The following ARHGAP10 variants were observed in gnomAD, a reference collection of about 807,000 sequenced individuals.
ARHGAP10 encodes Rho GTPase activating protein 10, also known as rho GTPase-activating protein 10.
Under a neutral mutation model 108.6 loss-of-function variants are expected in ARHGAP10, and 87 were observed. That is an observed-to-expected ratio of 0.80 (90% CI 0.67 to 0.96). The LOEUF is 0.96. ARHGAP10 is among the 40% of genes least tolerant of loss of function. The pLI is 0.00. For synonymous variants in ARHGAP10, 347 were observed against 341.1 expected (o/e 1.02, Z -0.19); for missense variants, 939 against 954.5 (o/e 0.98, Z 0.21).
In ARHGAP10 at chr4:148,072,774, C is replaced by T. The variant is rs1280900695; in HGVS notation, c.*693C>T. ...TGTAAATGAAATAAACTGTAATTTA[C>T]TATTTGATTTGTCTGTCCTAATGTG... is the stretch of plus-strand genomic sequence containing the variant. On this transcript the variant is annotated 3_prime_UTR_variant, in exon 23 of 23. Coordinates refer to ENST00000336498, the MANE Select transcript of ARHGAP10 (RefSeq NM_024605.4). 6.6e-6 allele frequency: 1 copy of T among 152,206 alleles called. No homozygotes were observed. Among genetic ancestry groups the T allele is most frequent in the Non-Finnish European group, 1.5e-5 (1 of 68,038 alleles). 9.4% of individuals were successfully genotyped at this position (152,206 alleles called of 1,614,324 possible).
At chr4:147,864,491 G>T (rs989134817) in intron 5 of ARHGAP10, 40 of 188,554 alleles carry the variant, frequency 2.1e-4, no homozygotes, top group Non-Finnish European at 3.8e-4. Context: ...CATCAGTTGT[G>T]GTTGGGGTGA....
At chr4:147,769,637 G>A (rs1011374449) in intron 1 of ARHGAP10, among the ~76,000 whole-genome samples, 1 of 152,168 alleles carries the variant, frequency 6.6e-6, no homozygotes, top group Non-Finnish European at 1.5e-5. Context: ...CATCAGAGAT[G>A]ACATTCTACT....
chr4:147,887,995 G>C (rs549593692), intron 10 of ARHGAP10, among the ~76,000 whole-genome samples: 1 of 152,054 alleles, frequency 6.6e-6, no homozygotes, highest in East Asian at 1.9e-4. Context: ...TGTGCCTGGT[G>C]GTCGATTCCC....
Position 147,732,338 on chromosome 4 carries a change from C to G in ARHGAP10, c.37C>G (p.Leu13Val). Residue 13 changes from leucine to valine, a missense_variant, in exon 1 of 23, where the codon CTC becomes GTC. Transcript: ENST00000336498. ...GCCCCTGGAGTTCAGCGACTGCTAC[C>G]TCGACAGCCCGTGGTTCCGGGAGAG... ...LQPLEFSDCY[L>V]DSPWFRERIR... is the part of the protein sequence containing the mutation. 1 of 1,613,284 alleles carries G rather than the reference C, an allele frequency of 6.2e-7. No homozygotes were observed. The highest frequency in any genetic ancestry group is 8.5e-7 in the Non-Finnish European group (1 of 1,179,584).
chr4:147,858,595 A>C (rs1271791137), intron 5 of ARHGAP10: 2 of 152,202 alleles, frequency 1.3e-5, no homozygotes, highest in African/African-American at 4.8e-5. Context: ...CAGTTCATAA[A>C]AGAGAAAAGA....
At chr4:148,009,015 A>G (rs1402657600) in intron 18 of ARHGAP10, among the ~76,000 whole-genome samples, 2 of 152,200 alleles carry the variant, frequency 1.3e-5, no homozygotes, top group African/African-American at 4.8e-5. Context: ...AATAATACAT[A>G]TATTTAAAAG....
At chr4:147,906,905 A>G (rs1736520896) in intron 11 of ARHGAP10, among the ~76,000 whole-genome samples, 186 bp downstream of exon 11, 1 of 152,180 alleles carries the variant, frequency 6.6e-6, no homozygotes, top group African/African-American at 2.4e-5. Context: ...ATATAAGACT[A>G]GTGTATCATT....
intron 18 of ARHGAP10, among the ~76,000 whole-genome samples, chr4:147,999,602 G>A (rs965807370): frequency 6.6e-6 from 1 of 152,220 alleles, no homozygotes; most frequent in Non-Finnish European, 1.5e-5. Flanking sequence ...CATGTTCGTC[G>A]TAATGGAGCT....
At chr4:147,815,075 G>A (rs1230611273) in intron 1 of ARHGAP10, among the ~76,000 whole-genome samples, 1 of 152,130 alleles carries the variant, frequency 6.6e-6, no homozygotes, top group African/African-American at 2.4e-5. Flanking sequence ...AGTCTCACTA[G>A]GTGTTGGCAT....
intron 19 of ARHGAP10, among the ~76,000 whole-genome samples, chr4:148,040,716 A>G (rs1728595717): frequency 6.6e-6 from 1 of 152,084 alleles, no homozygotes; most frequent in Admixed American, 6.6e-5. Context: ...ACCTTTGGCT[A>G]ATGGTCCCTC....
chr4:148,041,537 G>A (rs1728632984), intron 19 of ARHGAP10, among the ~76,000 whole-genome samples: 5 of 152,190 alleles, frequency 3.3e-5, no homozygotes, highest in Admixed American at 3.3e-4. Flanking sequence ...TACCTGAAGT[G>A]TAAAAGCTTA....
intron 18 of ARHGAP10, among the ~76,000 whole-genome samples, chr4:148,015,968 A>C (rs942533790): frequency 6.6e-6 from 1 of 152,176 alleles, no homozygotes; most frequent in Non-Finnish European, 1.5e-5. Flanking sequence ...ACACACTGTG[A>C]ATGGGGCTTG....
chr4:147,768,756 T>G (rs63684062), intron 1 of ARHGAP10, among the ~76,000 whole-genome samples: 5 of 113,620 alleles, frequency 4.4e-5, no homozygotes, highest in Admixed American at 3.7e-4. Flanking sequence ...TTTTTTTTTT[T>G]GGCAGGGAAT....
intron 20 of ARHGAP10, among the ~76,000 whole-genome samples, chr4:148,056,718 G>C (rs894015223): frequency 1.3e-5 from 2 of 152,126 alleles, no homozygotes; most frequent in Non-Finnish European, 2.9e-5. Flanking sequence ...TCAAATCCAG[G>C]ATGCCATGTT....
intron 1 of ARHGAP10, among the ~76,000 whole-genome samples, chr4:147,810,533 A>T (rs1277921588): frequency 2.6e-5 from 4 of 152,234 alleles, no homozygotes; most frequent in African/African-American, 9.6e-5. Flanking sequence ...GAACGTTTAC[A>T]TCTCATCTTT....
intron 18 of ARHGAP10, among the ~76,000 whole-genome samples, chr4:147,969,324 C>CTTTTTTTTT (rs61078731): frequency 4.3e-5 from 4 of 93,872 alleles, no homozygotes; most frequent in Non-Finnish European, 8.5e-5. Context: ...TTTGTTTTGC[C>CTTTTTTTTT]TTTTTTTTTT....
chr4:147,804,314 T>C (rs1442063363), intron 1 of ARHGAP10, among the ~76,000 whole-genome samples: 1 of 152,222 alleles, frequency 6.6e-6, no homozygotes, highest in East Asian at 1.9e-4. Flanking sequence ...TCCATGTTGC[T>C]GCAAAGGACA....
intron 20 of ARHGAP10, among the ~76,000 whole-genome samples, chr4:148,052,762 A>G (rs1729201559): frequency 6.6e-6 from 1 of 152,124 alleles, no homozygotes; most frequent in South Asian, 2.1e-4. Flanking sequence ...CAGCAGGGTC[A>G]CTTAGATAGT....
At chr4:148,044,563 G>C (rs1341622581) in intron 19 of ARHGAP10, among the ~76,000 whole-genome samples, 3 of 152,200 alleles carry the variant, frequency 2.0e-5, no homozygotes, top group Non-Finnish European at 4.4e-5. Context: ...ACTGAGGGCA[G>C]CCGTCATGCC....
Sources: gnomAD v4.1 joint callset for allele counts (sites outside exome capture counted in the v4.1 genomes callset) on GRCh38, gnomAD v4.1.1 for gene constraint, MANE v1.5 for transcripts, NCBI Gene and HGNC (gene_info 2026-07-23, HGNC 2026-07-21) for gene names.